Variants in SETD5 observed in about 807,000 individuals in gnomAD.
SETD5 encodes the protein histone-lysine N-methyltransferase SETD5.
Under a neutral mutation model 153.3 loss-of-function variants are expected in SETD5, and 44 were observed. The ratio of observed to expected loss-of-function variants is 0.29; its 90% CI spans 0.23 to 0.37. SETD5 has a LOEUF of 0.37. SETD5 is among the 10% of genes least tolerant of loss of function. The probability of loss-of-function intolerance (pLI) is 1.00; values close to 1 mark genes in which losing one functional copy is unlikely to be tolerated. For synonymous variants in SETD5, 716 were observed against 645.2 expected (o/e 1.11, Z -1.66); for missense variants, 1,544 against 1,768.0 (o/e 0.87, Z 2.27).
At chr3:9,441,213 T>TA (rs985333444) in intron 8 of SETD5, among the ~76,000 whole-genome samples, 2 of 152,130 alleles carry the variant, frequency 1.3e-5, no homozygotes, top group Admixed American at 6.6e-5. Flanking sequence ...TGGCTCTATT[T>TA]AAAAAACAGA....
chr3:9,436,714 C>T (rs1176821168), intron 7 of SETD5: 3 of 679,292 alleles, frequency 4.4e-6, no homozygotes, highest in Non-Finnish European at 7.4e-6. Context: ...TGGGGAATTC[C>T]ATTGTATTTT....
chr3:9,463,340 A>C (rs1475981850), intron 17 of SETD5, among the ~76,000 whole-genome samples: 1 of 152,184 alleles, frequency 6.6e-6, no homozygotes, highest in Non-Finnish European at 1.5e-5. Context: ...ATTTCTTACA[A>C]ATTTTAAGCC....
chr3:9,427,738 C>T (rs1411285203), intron 2 of SETD5, among the ~76,000 whole-genome samples: 3 of 152,102 alleles, frequency 2.0e-5, no homozygotes, highest in Non-Finnish European at 4.4e-5. Flanking sequence ...TTGACATTCA[C>T]ATTGACTTTA....
At chr3:9,457,972 G>A (rs2125415061) in intron 17 of SETD5, among the ~76,000 whole-genome samples, 1 of 152,212 alleles carries the variant, frequency 6.6e-6, no homozygotes, top group East Asian at 1.9e-4. Context: ...CTCTTGAGGT[G>A]TAAGACGAGC....
intron 2 of SETD5, among the ~76,000 whole-genome samples, chr3:9,428,131 T>C (rs2039534385): frequency 6.6e-6 from 1 of 152,180 alleles, no homozygotes; most frequent in African/African-American, 2.4e-5. Context: ...ATGCACCCTC[T>C]GCACCCACGC....
intron 16 of SETD5, chr3:9,449,346 C>G (rs1258592756): frequency 6.6e-6 from 1 of 152,124 alleles, no homozygotes; most frequent in Admixed American, 6.5e-5. Flanking sequence ...CCAAAGGTGT[C>G]TCTTAGGAAT....
intron 6 of SETD5, among the ~76,000 whole-genome samples, chr3:9,435,477 A>G (rs1344115023): frequency 6.6e-6 from 1 of 152,238 alleles, no homozygotes; most frequent in Non-Finnish European, 1.5e-5. Flanking sequence ...AGATTGAGTC[A>G]GCGAAGCTTA....
chr3:9,444,923 G>A, intron 11 of SETD5, 125 bp from the exon 12 acceptor site: 1 of 1,292,160 alleles, frequency 7.7e-7, no homozygotes, highest in Non-Finnish European at 1.1e-6. Context: ...TAATGTCTCT[G>A]TTTAACTTAT....
intron 16 of SETD5, among the ~76,000 whole-genome samples, chr3:9,452,853 T>C (rs952394350): frequency 6.6e-5 from 10 of 151,976 alleles, no homozygotes; most frequent in African/African-American, 1.7e-4. Context: ...ACTCAGAAAT[T>C]GATGTTTATC....
At chr3:9,452,048 A>G (rs1204215875) in intron 16 of SETD5, among the ~76,000 whole-genome samples, 1 of 152,224 alleles carries the variant, frequency 6.6e-6, no homozygotes, top group Non-Finnish European at 1.5e-5. Context: ...GTAAAATTAT[A>G]CAACAGAACC....
intron 1 of SETD5, among the ~76,000 whole-genome samples, chr3:9,416,621 A>C (rs1385839554): frequency 6.6e-6 from 1 of 152,244 alleles, no homozygotes; most frequent in Non-Finnish European, 1.5e-5. Flanking sequence ...GTTGAATTGC[A>C]TAAGCTTCTT....
chr3:9,444,581 A>G (rs1364696552), intron 11 of SETD5, among the ~76,000 whole-genome samples: 1 of 152,046 alleles, frequency 6.6e-6, no homozygotes, highest in Non-Finnish European at 1.5e-5. Flanking sequence ...GGGGTTACAC[A>G]AAGAAAGACA....
intron 18 of SETD5, among the ~76,000 whole-genome samples, chr3:9,470,061 T>A (rs2045127710): frequency 6.6e-6 from 1 of 152,170 alleles, no homozygotes; most frequent in African/African-American, 2.4e-5. Flanking sequence ...CCAGTTATCT[T>A]AAGACACCAG....
At position 9,447,308 on chromosome 3, in the gene SETD5, G is replaced by T; in HGVS notation, c.1782+1G>T. 1 of 1,610,182 alleles carries T rather than the reference G, an allele frequency of 6.2e-7. No homozygotes were observed. Among genetic ancestry groups the T allele is most frequent in the Non-Finnish European group, 8.5e-7 (1 of 1,178,630 alleles). On this transcript the variant is annotated splice_donor_variant, in intron 14 of 22. Coordinates refer to ENST00000402198, the MANE Select transcript of SETD5 (RefSeq NM_001080517.3). LOFTEE classifies it high-confidence loss of function. ...TACCCGGAGGTCTTCCCAAGCAGGGGTAAGAGTTGAAAAGACTTCAGCACT... is the reference window on the plus strand; with the variant it reads ...TACCCGGAGGTCTTCCCAAGCAGGGTTAAGAGTTGAAAAGACTTCAGCACT...
chr3:9,411,972 GAAGT>G (rs1559356186), intron 1 of SETD5, among the ~76,000 whole-genome samples: 1 of 152,088 alleles, frequency 6.6e-6, no homozygotes, highest in African/African-American at 2.4e-5. Flanking sequence ...AAGTTTTAAG[GAAGT>G]AAGTCTCCTT....
chr3:9,420,472 C>G (rs2038205691), intron 1 of SETD5, among the ~76,000 whole-genome samples: 1 of 151,904 alleles, frequency 6.6e-6, no homozygotes, highest in African/African-American at 2.4e-5. Context: ...GTTTATTGTG[C>G]CGAGCTCAGT....
chr3:9,457,871 C>T (rs2043455230), intron 17 of SETD5, among the ~76,000 whole-genome samples: 1 of 149,504 alleles, frequency 6.7e-6, no homozygotes, highest in Non-Finnish European at 1.5e-5. Flanking sequence ...TCCCATGAAA[C>T]TGCCTTGTTT....
rs146448036 is a variant in SETD5, at chr3:9,455,640, T to C, written c.2476+1772T>C. On this transcript the variant is annotated intron_variant, in intron 17 of 22. Coordinates refer to ENST00000402198, the MANE Select transcript of SETD5 (RefSeq NM_001080517.3). ...TGGTACCAGATTTCCATTTGTATTA[T>C]TTCTTTTTTAACAGCTTTTAAGGTG... Among the ~76,000 whole-genome samples the C allele has an allele frequency of 4.6e-4, 68 of 147,430 alleles. 1 individual carries two copies. The East Asian group carries it at 0.012, about 26-fold the overall frequency.
intron 17 of SETD5, chr3:9,454,070 T>A: frequency 2.6e-6 from 1 of 382,048 alleles, no homozygotes; most frequent in Non-Finnish European, 4.4e-6. Context: ...CTAGACAGTG[T>A]ACAGATAACA....
Sources: allele counts gnomAD v4.1 joint callset (sites outside exome capture counted in the v4.1 genomes callset), GRCh38; gene constraint gnomAD v4.1.1; transcripts MANE v1.5; gene names NCBI Gene and HGNC (gene_info 2026-07-23, HGNC 2026-07-21).